The following NR5A1 variants were observed in gnomAD, a reference collection of about 807,000 sequenced individuals.
The protein encoded by NR5A1 is nuclear receptor subfamily 5 group A member 1, also known as steroidogenic factor 1.
Under a neutral mutation model 42.7 loss-of-function variants are expected in NR5A1, and 6 were observed. The observed-to-expected ratio is 0.14, with a 90% CI of 0.08 to 0.28. The LOEUF is 0.28. NR5A1 is among the 10% of genes least tolerant of loss of function. The probability of loss-of-function intolerance (pLI) is 1.00; values close to 1 mark genes in which losing one functional copy is unlikely to be tolerated. For synonymous variants in NR5A1, 274 were observed against 277.5 expected, an observed-to-expected ratio of 0.99 and a Z score of 0.12; for missense variants, 442 against 626.4, an observed-to-expected ratio of 0.71 and a Z score of 3.14.
intron 1 of NR5A1, among the ~76,000 whole-genome samples, chr9:124,504,681 C>A (rs1680968726): frequency 6.7e-6 from 1 of 149,716 alleles, no homozygotes; most frequent in Non-Finnish European, 1.5e-5. Context: ...CCGGCGCCCA[C>A]CTGGTCGCTC....
intron 4 of NR5A1, among the ~76,000 whole-genome samples, chr9:124,497,692 C>T (rs1433555743): frequency 6.6e-6 from 1 of 152,218 alleles, no homozygotes; most frequent in Non-Finnish European, 1.5e-5. Flanking sequence ...ATCCATCACC[C>T]ACTGCCCAAG....
chr9:124,489,781 C>A (rs1832275571), intron 6 of NR5A1, among the ~76,000 whole-genome samples: 1 of 141,266 alleles, frequency 7.1e-6, no homozygotes. Context: ...CCCTGCTGAC[C>A]CCTGCAGAGC....
intron 4 of NR5A1, among the ~76,000 whole-genome samples, chr9:124,494,189 G>A (rs949007620): frequency 4.6e-5 from 7 of 152,212 alleles, no homozygotes; most frequent in East Asian, 1.9e-4. Flanking sequence ...TTCCTGGGCC[G>A]TGCCCTATGG....
chr9:124,487,796 G>C (rs186947417), intron 6 of NR5A1, among the ~76,000 whole-genome samples: 200 of 152,352 alleles, frequency 1.3e-3, no homozygotes, highest in Non-Finnish European at 2.2e-3. Flanking sequence ...GGTGGTCTGG[G>C]TGGGATCAGG....
At chr9:124,504,595 C>T (rs1832522850) in intron 1 of NR5A1, among the ~76,000 whole-genome samples, 1 of 151,796 alleles carries the variant, frequency 6.6e-6, no homozygotes, top group Non-Finnish European at 1.5e-5. Flanking sequence ...GGCGGAGAGG[C>T]GAAGTCCGGA....
At chr9:124,504,979 C>A (rs923937108) in intron 1 of NR5A1, among the ~76,000 whole-genome samples, 2 of 151,126 alleles carry the variant, frequency 1.3e-5, no homozygotes, top group Non-Finnish European at 3.0e-5. Flanking sequence ...CCCCGCCCTG[C>A]GCCAACCCGC....
intron 4 of NR5A1, among the ~76,000 whole-genome samples, chr9:124,497,343 G>A (rs930013210): frequency 2.0e-5 from 3 of 152,198 alleles, no homozygotes; most frequent in Non-Finnish European, 4.4e-5. Flanking sequence ...TTGACAACAG[G>A]CCTCTCTGAT....
rs1832424300 is a variant in NR5A1, at chr9:124,498,790, G to C, written c.870+1300C>G. Among the ~76,000 whole-genome samples the C allele has an allele frequency of 6.6e-6, 1 of 152,198 alleles. No individual in the cohort carries two copies. ...ATGACAGACACATGGTACATCCCCA[G>C]GCCTCAGCCATGACAGGCGCTCCAC... On this transcript the variant is annotated intron_variant, in intron 4 of 6. Transcript: ENST00000373588. This position sits in a 1 kb window ranked among gnomAD's most constrained non-coding sequence, Gnocchi z 4.6.
intron 1 of NR5A1, among the ~76,000 whole-genome samples, chr9:124,506,029 A>G (rs116466957): frequency 6.6e-6 from 1 of 152,234 alleles, no homozygotes; most frequent in Admixed American, 6.5e-5. Context: ...GCAATTTTGC[A>G]TTGACAGCGG....
intron 4 of NR5A1, among the ~76,000 whole-genome samples, chr9:124,495,111 C>T (rs899152649): frequency 8.6e-5 from 13 of 152,046 alleles, no homozygotes; most frequent in African/African-American, 3.1e-4. Flanking sequence ...TCCCTCCATC[C>T]ACACCTCACC....
At chr9:124,492,346 CT>C (rs1157235380) in intron 5 of NR5A1, among the ~76,000 whole-genome samples, 83 of 151,604 alleles carry the variant, frequency 5.5e-4, no homozygotes, top group Non-Finnish European at 7.4e-4. Context: ...ATCCTGACCC[CT>C]CCGCCTGCCT....
At position 124,496,246 on chromosome 9, in the gene NR5A1, C is replaced by T. The variant is rs889536604; in HGVS notation, c.871-3097G>A. 6.6e-6 allele frequency among the ~76,000 whole-genome samples: 1 copy of T among 152,108 alleles called. No individual in the cohort carries two copies. The highest frequency in any genetic ancestry group is 2.4e-5 in the African/African-American group (1 of 41,414). ...TTAAAAGAAAACCACAGGGCCATAG[C>T]TGCCAGCCCCCCTGCATGAGAAAGC... On this transcript the variant is annotated intron_variant, in intron 4 of 6. Transcript: ENST00000373588. This position sits in a 1 kb window ranked among gnomAD's most constrained non-coding sequence, Gnocchi z 5.0.
chr9:124,501,931 T>C lies in NR5A1; in HGVS notation c.244+1148A>G, dbSNP rs1039266856. ...CTGCCAAAACTTACCTCCTCCTCTC[T>C]GGGCTGAGAGCTGGGGTTGAGGGTA... On this transcript the variant is annotated intron_variant, in intron 3 of 6. Transcript: ENST00000373588. This position sits in a 1 kb window ranked among gnomAD's most constrained non-coding sequence, Gnocchi z 4.1. 1.3e-5 allele frequency among the ~76,000 whole-genome samples: 2 copies of C among 152,164 alleles called. No homozygotes were observed. The highest frequency in any genetic ancestry group is 1.5e-5 in the Non-Finnish European group (1 of 68,026).
intron 1 of NR5A1, among the ~76,000 whole-genome samples, chr9:124,504,273 C>G (rs990457398): frequency 3.3e-5 from 5 of 152,182 alleles, no homozygotes; most frequent in Non-Finnish European, 1.5e-5. Context: ...AAGCGCCCAG[C>G]CCGAGGGTCG....
intron 1 of NR5A1, among the ~76,000 whole-genome samples, chr9:124,504,393 G>C (rs2131291455): frequency 6.6e-6 from 1 of 152,164 alleles, no homozygotes; most frequent in African/African-American, 2.4e-5. Flanking sequence ...GGAAAACGAC[G>C]GCGCCGGGAC....
intron 4 of NR5A1, among the ~76,000 whole-genome samples, chr9:124,497,193 T>G (rs113806343): frequency 0.013 from 1,987 of 152,290 alleles, 43 homozygotes; most frequent in African/African-American, 0.042. Flanking sequence ...CCCCTGTCCT[T>G]ACTCACTAAC....
Position 124,500,453 on chromosome 9 carries a change from C to G in NR5A1, c.507G>C (p.Leu169=). 1 of 1,589,170 alleles carries G rather than the reference C, an allele frequency of 6.3e-7. No individual in the cohort carries two copies. Among genetic ancestry groups the G allele is most frequent in the Non-Finnish European group, 8.5e-7 (1 of 1,169,692 alleles). ...CGTGGGCACCGGGCACGGCCATGGG[C>G]AGTGCTGGGGCCCCAAAGTCGCCCA... ...GPLGDFGAPA[L]PMAVPGAHGP... Residue 169 remains leucine (L), a synonymous_variant, in exon 4 of 7, where the codon CTG becomes CTC. Coordinates refer to ENST00000373588, the MANE Select transcript of NR5A1 (RefSeq NM_004959.5). The surrounding 1 kb of genome is among the most constrained non-coding windows in gnomAD (Gnocchi z 6.9).
chr9:124,484,849 A>G (rs1351225342), intron 6 of NR5A1, among the ~76,000 whole-genome samples: 2 of 152,312 alleles, frequency 1.3e-5, no homozygotes, highest in Non-Finnish European at 2.9e-5. Context: ...CGCATTAAAC[A>G]TCAAGGAAGG....
intron 4 of NR5A1, among the ~76,000 whole-genome samples, chr9:124,493,749 G>C (rs931514375): frequency 6.6e-6 from 1 of 152,212 alleles, no homozygotes; most frequent in Admixed American, 6.5e-5. Context: ...TGAGCAGGGG[G>C]GCGGCAATGG....
Sources: allele counts gnomAD v4.1 joint callset (sites outside exome capture counted in the v4.1 genomes callset), GRCh38; gene constraint gnomAD v4.1.1; non-coding constraint Gnocchi (gnomAD v3.1); transcripts MANE v1.5; gene names NCBI Gene and HGNC (gene_info 2026-07-23, HGNC 2026-07-21).